The following CRB2 variants were observed in gnomAD, a reference collection of about 807,000 sequenced individuals.
CRB2 encodes the protein crumbs cell polarity complex component 2.
In CRB2, 85 loss-of-function variants were observed where a neutral mutation model predicts 110.9. The ratio of observed to expected loss-of-function variants is 0.77; its 90% CI spans 0.64 to 0.92. The LOEUF is 0.92. CRB2 is among the 40% of genes least tolerant of loss of function. CRB2 has a pLI of 0.00. For synonymous variants in CRB2, 907 were observed against 831.0 expected (o/e 1.09, Z -1.57); for missense variants, 1,843 against 1,851.3 (o/e 1.00, Z 0.08).
intron 1 of CRB2, 61 bp downstream of exon 1, chr9:123,356,415 C>T: frequency 1.5e-6 from 2 of 1,350,884 alleles, no homozygotes; most frequent in Non-Finnish European, 9.9e-7. Context: ...AGACAGATAC[C>T]CCAAGCCTTG....
chr9:123,368,376 G>A (rs2132766157), intron 6 of CRB2, among the ~76,000 whole-genome samples: 1 of 152,268 alleles, frequency 6.6e-6, no homozygotes, highest in East Asian at 1.9e-4. Context: ...ACTCCTGGGG[G>A]TCCCGAAGGC....
intron 9 of CRB2, among the ~76,000 whole-genome samples, chr9:123,372,687 G>A (rs73666510): frequency 0.057 from 8,625 of 152,282 alleles, 544 homozygotes; most frequent in East Asian, 0.23. Flanking sequence ...CCAGCTAGGC[G>A]GCTCTGACTT....
rs1004450927 is a variant in CRB2 at position 123,366,122 on chromosome 9, C to T, written c.614+10C>T. ...ACGACCTGGTCAACGGGTGAGCGAG[C>T]GGCGGGGCAGGCGGCAGGGGCGCCG... On this transcript the variant is annotated intron_variant, in intron 3 of 12. Transcript: ENST00000373631. 5 of 1,422,914 alleles carry T rather than the reference C, an allele frequency of 3.5e-6. No individual in the cohort carries two copies. The highest frequency in any genetic ancestry group is 4.1e-4 in the Middle Eastern group (2 of 4,868). 88.1% of individuals were successfully genotyped at this position (1,422,914 alleles called of 1,614,324 possible). A position where few individuals can be genotyped will look rare whatever the true frequency, so the allele number is the denominator to read the frequency against.
rs879255250 is a variant in CRB2, at chr9:123,370,912, G to C, written c.1859G>C (p.Cys620Ser). 6.2e-7 allele frequency: 1 copy of C among 1,613,150 alleles called. No homozygotes were observed. Among genetic ancestry groups the C allele is most frequent in the East Asian group, 2.2e-5 (1 of 44,870 alleles). Residue 620 changes from cysteine (C) to serine (S), a missense_variant, in exon 7 of 13, where the codon TGT (cysteine) becomes TCT (serine). Cys to Ser is a moderately radical substitution (Grantham distance 112, BLOSUM62 -1). Transcript: ENST00000373631. ...RPLPCVHGGSCVDLWTHFRCD... is the reference protein window; with the variant it reads ...RPLPCVHGGSSVDLWTHFRCD... ...CTGCCTTGTGTCCACGGAGGGTCCTGTGTGGATCTGTGGACTCATTTCCGT... is the reference window on the plus strand; with the variant it reads ...CTGCCTTGTGTCCACGGAGGGTCCTCTGTGGATCTGTGGACTCATTTCCGT...
intron 1 of CRB2, among the ~76,000 whole-genome samples, chr9:123,358,572 C>T (rs1403380962): frequency 6.6e-6 from 1 of 152,226 alleles, no homozygotes; most frequent in African/African-American, 2.4e-5. Context: ...TAAGATCAGC[C>T]ACTCCATGGC....
upstream of CRB2, among the ~76,000 whole-genome samples, chr9:123,355,530 G>A (rs540769187): frequency 2.4e-3 from 357 of 151,162 alleles, no homozygotes; most frequent in African/African-American, 8.4e-3. Context: ...CCTGCAGGGA[G>A]CTGATCCTGA....
intron 1 of CRB2, among the ~76,000 whole-genome samples, chr9:123,361,853 T>G (rs1160822730): frequency 6.6e-6 from 1 of 152,210 alleles, no homozygotes; most frequent in Non-Finnish European, 1.5e-5. Context: ...CAGGTCTGTT[T>G]CACTTCAAAG....
At position 123,366,365 on chromosome 9, in the gene CRB2, A is replaced by C; in HGVS notation, c.753A>C (p.Pro251=). Residue 251 remains proline, a splice_region_variant and synonymous_variant, in exon 4 of 13, where the codon CCA becomes CCC. Transcript: ENST00000373631. ...GLGSFRCLCW[P]GYSGELCEVD... The stretch of plus-strand genomic sequence containing the variant: ...GGAGCTTCCGCTGCCTCTGTTGGCC[A>C]GGTGTGTGCGTGCAGGTGCGCGGCC... The C allele has an allele frequency of 6.5e-7, 1 of 1,546,794 alleles. No homozygotes were observed. Among genetic ancestry groups the C allele is most frequent in the Non-Finnish European group, 8.6e-7 (1 of 1,158,488 alleles).
Position 123,370,101 on chromosome 9 carries a change from C to A in CRB2, c.1055-7C>A. Reference sequence around the variant, plus strand: ...ATTACTGAACCTTGGCTTTGTCTCTCCCAAAGGGCCGACATGTGAGGAAGA... The same window carrying A: ...ATTACTGAACCTTGGCTTTGTCTCTACCAAAGGGCCGACATGTGAGGAAGA... On this transcript the variant is annotated splice_polypyrimidine_tract_variant and splice_region_variant and intron_variant, in intron 6 of 12. Coordinates refer to ENST00000373631, the MANE Select transcript of CRB2 (RefSeq NM_173689.7). 1 of 1,572,774 alleles carries A rather than the reference C, an allele frequency of 6.4e-7. No individual in the cohort carries two copies. The highest frequency in any genetic ancestry group is 1.2e-5 in the South Asian group (1 of 83,168).
Position 123,373,615 on chromosome 9 carries a change from G to A in CRB2, c.3084G>A (p.Arg1028=), listed in dbSNP as rs2042053187. ...GCGGCCTGCCCCTGCCCTTGGCGCG[G>A]CCCCGGCCCGGCGCGGCCCCTGGCG... ...ALGGLPLPLA[R]PRPGAAPGAR... is the part of the protein sequence containing the mutation. The change falls in exon 10 of 13, where the codon CGG becomes CGA. Residue 1028 remains arginine (R), a synonymous_variant. Transcript: ENST00000373631. 1.5e-6 allele frequency: 2 copies of A among 1,361,308 alleles called. No homozygotes were observed. Among genetic ancestry groups the A allele is most frequent in the Non-Finnish European group, 9.4e-7 (1 of 1,064,828 alleles). The allele number at this position is 1,361,308 out of a possible 1,614,324, so 84.3% of individuals were successfully genotyped here.
In CRB2 at chr9:123,370,867, G is replaced by C. The variant is rs750162087; in HGVS notation, c.1814G>C (p.Arg605Pro). The C allele has an allele frequency of 6.2e-7, 1 of 1,610,524 alleles. No homozygotes were observed. The highest frequency in any genetic ancestry group is 8.5e-7 in the Non-Finnish European group (1 of 1,180,010). ...LGENVLLGCE[R>P]REQCRPLPCV... ...GAGAACGTCCTCCTGGGCTGTGAGC[G>C]CCGAGAGCAGTGCCGGCCTCTGCCT... The change falls in exon 7 of 13, where the codon CGC becomes CCC. Residue 605 changes from arginine to proline, a missense_variant. By Grantham distance (103) the Arg-to-Pro change is moderately radical. Coordinates refer to ENST00000373631, the MANE Select transcript of CRB2 (RefSeq NM_173689.7).
At position 123,366,347 on chromosome 9, in the gene CRB2, CCG is replaced by C. The variant is rs773870104; in HGVS notation, c.737_738del (p.Arg246LeufsTer35). ...ASCLEGLGSF[R>X]CLCWPGYSGE... ...CCTGCCTCGAGGGCCTCGGGAGCTT[CCG>C]CTGCCTCTGTTGGCCAGGTGTGTGC... On this transcript the variant is annotated frameshift_variant, in exon 4 of 13. Transcript: ENST00000373631. LOFTEE classifies it high-confidence loss of function. The C allele has an allele frequency of 6.5e-7, 1 of 1,549,606 alleles. No individual in the cohort carries two copies. The highest frequency in any genetic ancestry group is 1.2e-5 in the South Asian group (1 of 84,536).
chr9:123,366,439 G>A (rs550133416), intron 4 of CRB2, 73 bp downstream of exon 4: 2 of 1,463,860 alleles, frequency 1.4e-6, no homozygotes, highest in East Asian at 2.9e-5. Flanking sequence ...GGGCGGTGGG[G>A]CAGGTGTGTG....
intron 12 of CRB2, 50 bp downstream of exon 12, chr9:123,375,393 T>G (rs1482792122): frequency 6.5e-7 from 1 of 1,527,534 alleles, no homozygotes; most frequent in Admixed American, 2.0e-5. Flanking sequence ...GCTGGGCCCT[T>G]GGCGAGATGC....
Position 123,373,933 on chromosome 9 carries a change from G to C in CRB2, c.3389+13G>C, listed in dbSNP as rs532307068. 3.9e-5 allele frequency: 61 copies of C among 1,549,888 alleles called. 2 individuals are homozygous for C. In the African/African-American group the frequency reaches 7.2e-4, roughly 18 times the overall value. On this transcript the variant is annotated intron_variant, in intron 10 of 12. Coordinates refer to ENST00000373631, the MANE Select transcript of CRB2 (RefSeq NM_173689.7). ...GCCCGCGCTGCAGGTGGGATGGCTG[G>C]GCAGGGGGGTGGGCTGCGAATGCCC...
chr9:123,370,930 A>G lies in CRB2; in HGVS notation c.1877A>G (p.His626Arg). ...GGGTCCTGTGTGGATCTGTGGACTC[A>G]TTTCCGTTGCGACTGTGCCCGGCCC... is the stretch of plus-strand genomic sequence containing the variant. ...HGGSCVDLWT[H>R]FRCDCARPHR... The change falls in exon 7 of 13, where the codon CAT becomes CGT. Residue 626 changes from histidine to arginine, a missense_variant. His to Arg is a conservative substitution (Grantham distance 29, BLOSUM62 0). Transcript: ENST00000373631. 6.2e-7 allele frequency: 1 copy of G among 1,607,830 alleles called. No individual in the cohort carries two copies. The highest frequency in any genetic ancestry group is 8.5e-7 in the Non-Finnish European group (1 of 1,176,858).
At chr9:123,379,193 G>T (rs1329721470), downstream of CRB2, among the ~76,000 whole-genome samples, 1 of 152,086 alleles carries the variant, frequency 6.6e-6, no homozygotes, top group Non-Finnish European at 1.5e-5. Context: ...GGGGTGGGTG[G>T]TGTGACTGGG....
rs1364634760 is a variant in CRB2, at chr9:123,371,062, C to A, written c.1928-8C>A. The stretch of plus-strand genomic sequence containing the variant: ...AGGCCTCACACCTGGCACCTTCTCT[C>A]CCTGCAGAGATTCCTGCTGCCACCT... On this transcript the variant is annotated splice_polypyrimidine_tract_variant and splice_region_variant and intron_variant, in intron 7 of 12. Transcript: ENST00000373631. 2 of 1,609,672 alleles carry A rather than the reference C, an allele frequency of 1.2e-6. No homozygotes were observed. Among genetic ancestry groups the A allele is most frequent in the East Asian group, 4.5e-5 (2 of 44,876 alleles).
intron 1 of CRB2, among the ~76,000 whole-genome samples, chr9:123,361,571 A>G (rs1256833743): frequency 9.0e-6 from 1 of 110,988 alleles, no homozygotes; most frequent in Admixed American, 1.3e-4. Flanking sequence ...CTAGATGACA[A>G]CCTGGGTGGG....
Sources: allele counts gnomAD v4.1 joint callset (sites outside exome capture counted in the v4.1 genomes callset), GRCh38; gene constraint gnomAD v4.1.1; transcripts MANE v1.5; gene names NCBI Gene and HGNC (gene_info 2026-07-23, HGNC 2026-07-21).